The following NRXN1 variants were observed in gnomAD, a reference collection of about 807,000 sequenced individuals.
The protein encoded by NRXN1 is neurexin-1.
NRXN1 carries 39 observed loss-of-function variants against 150.9 expected under a neutral mutation model. The ratio of observed to expected loss-of-function variants is 0.26; its 90% CI spans 0.20 to 0.34. The LOEUF (loss-of-function observed/expected upper bound fraction) is 0.34. NRXN1 is among the 10% of genes least tolerant of loss of function. The pLI, the probability that NRXN1 is intolerant of heterozygous loss-of-function variation, is 1.00. For missense variants in NRXN1, 1,815 were observed against 1,949.9 expected (o/e 0.93, Z 1.30); for synonymous variants, 924 against 757.0 (o/e 1.22, Z -3.62).
At chr2:50,737,332 C>A (rs759613898) in intron 5 of NRXN1, among the ~76,000 whole-genome samples, 1 of 152,094 alleles carries the variant, frequency 6.6e-6, no homozygotes, top group Admixed American at 6.5e-5. Flanking sequence ...TAACATAATG[C>A]CCCAAGACCA....
intron 17 of NRXN1, among the ~76,000 whole-genome samples, chr2:50,457,101 C>T (rs1236048183): frequency 2.0e-5 from 3 of 152,166 alleles, no homozygotes; most frequent in African/African-American, 4.8e-5. Context: ...ACAGAAAATT[C>T]CCATCTCTCT....
chr2:50,276,545 C>T (rs945259464), intron 17 of NRXN1, among the ~76,000 whole-genome samples: 10 of 152,174 alleles, frequency 6.6e-5, no homozygotes, highest in African/African-American at 2.4e-4. Flanking sequence ...AATACTTACC[C>T]TTGGATCTCA....
At position 50,801,504 on chromosome 2, in the gene NRXN1, G is replaced by A. The variant is rs181538917; in HGVS notation, c.832+120365C>T. The stretch of plus-strand genomic sequence containing the variant: ...CTGTGGATATAATAAGGTCTAAATG[G>A]CAGGACTAAATGCGAGGACTAAAGC... On this transcript the variant is annotated intron_variant, in intron 5 of 22. Coordinates refer to ENST00000401669, the MANE Select transcript of NRXN1 (RefSeq NM_001330078.2). Among the ~76,000 whole-genome samples the A allele has an allele frequency of 8.0e-4, 122 of 152,144 alleles. 1 individual carries two copies. Among genetic ancestry groups the A allele is most frequent in the African/African-American group, 2.7e-3 (111 of 41,498 alleles).
At chr2:50,244,532 A>G (rs2066330401) in intron 17 of NRXN1, among the ~76,000 whole-genome samples, 1 of 151,850 alleles carries the variant, frequency 6.6e-6, no homozygotes, top group South Asian at 2.1e-4. Flanking sequence ...AAGCCTTCCT[A>G]TCTCTTGATT....
chr2:50,464,357 C>T (rs905516837), intron 17 of NRXN1: 1 of 151,808 alleles, frequency 6.6e-6, no homozygotes, highest in Non-Finnish European at 1.5e-5. Flanking sequence ...GGAAAGGAAA[C>T]CTAAAGACAG....
At position 50,703,885 on chromosome 2, in the gene NRXN1, C is replaced by T. The variant is rs554866131; in HGVS notation, c.833-80270G>A. Among the ~76,000 whole-genome samples the T allele has an allele frequency of 2.0e-5, 3 of 152,120 alleles. No homozygotes were observed. In the East Asian group the frequency reaches 5.8e-4, roughly 29 times the overall value. On this transcript the variant is annotated intron_variant, in intron 5 of 22. Coordinates refer to ENST00000401669, the MANE Select transcript of NRXN1 (RefSeq NM_001330078.2). The stretch of plus-strand genomic sequence containing the variant: ...ATAAGAAACTTGCCTAAAGTCATAT[C>T]GTTTCTACGTGGTAAAGGCAAGATT...
intron 5 of NRXN1, among the ~76,000 whole-genome samples, chr2:50,861,245 C>G (rs956028334): frequency 2.0e-5 from 3 of 152,056 alleles, no homozygotes; most frequent in Non-Finnish European, 4.4e-5. Context: ...GACAGAGTCT[C>G]TCTGTCTCTC....
intron 5 of NRXN1, among the ~76,000 whole-genome samples, chr2:50,828,355 T>C (rs1424937571): frequency 7.0e-6 from 1 of 143,230 alleles, no homozygotes. Context: ...ATGGGGCGGC[T>C]GGCCTGGCGG....
intron 2 of NRXN1, among the ~76,000 whole-genome samples, chr2:50,989,869 A>C (rs1234933696): frequency 6.6e-6 from 1 of 152,072 alleles, no homozygotes; most frequent in Non-Finnish European, 1.5e-5. Flanking sequence ...GTTAGACTTT[A>C]TCAGAACCTG....
chr2:50,854,113 A>G (rs756282470), intron 5 of NRXN1, among the ~76,000 whole-genome samples: 6 of 152,100 alleles, frequency 3.9e-5, no homozygotes, highest in Non-Finnish European at 7.4e-5. Flanking sequence ...GAAATTGTGT[A>G]AAATCAGCAT....
At chr2:49,992,772 A>G (rs1483439817) in intron 21 of NRXN1, among the ~76,000 whole-genome samples, 1 of 152,214 alleles carries the variant, frequency 6.6e-6, no homozygotes, top group Non-Finnish European at 1.5e-5. Flanking sequence ...CACCTGACCA[A>G]AAAGAGATAT....
intron 5 of NRXN1, among the ~76,000 whole-genome samples, chr2:50,860,129 A>G (rs964774349): frequency 6.6e-6 from 1 of 151,076 alleles, no homozygotes; most frequent in Admixed American, 6.6e-5. Context: ...GAATACAAGA[A>G]GATCATAACT....
At chr2:50,278,222 C>T (rs1211551964) in intron 17 of NRXN1, among the ~76,000 whole-genome samples, 1 of 69,196 alleles carries the variant, frequency 1.4e-5, no homozygotes, top group Non-Finnish European at 3.2e-5. Context: ...ACCACCACAC[C>T]TGGCTTTTAT....
At chr2:50,789,852 A>T (rs1382593723) in intron 5 of NRXN1, among the ~76,000 whole-genome samples, 3 of 152,314 alleles carry the variant, frequency 2.0e-5, no homozygotes, top group East Asian at 3.9e-4. Context: ...ATGAAGAAGG[A>T]TCATTTTTAA....
chr2:50,665,449 T>C (rs529305598), intron 5 of NRXN1, among the ~76,000 whole-genome samples: 1 of 151,938 alleles, frequency 6.6e-6, no homozygotes, highest in East Asian at 2.0e-4. Flanking sequence ...TTTCTGAAAT[T>C]CCCCTACTAG....
At chr2:50,766,161 T>A (rs1377417038) in intron 5 of NRXN1, among the ~76,000 whole-genome samples, 2 of 152,096 alleles carry the variant, frequency 1.3e-5, no homozygotes, top group South Asian at 4.1e-4. Context: ...CCAAGTAGCA[T>A]AGAAATCAGG....
chr2:50,750,603 A>AAC (rs1700493800), intron 5 of NRXN1, among the ~76,000 whole-genome samples: 1 of 152,004 alleles, frequency 6.6e-6, no homozygotes, highest in Admixed American at 6.6e-5. Flanking sequence ...ATAATAAAAA[A>AAC]AGAAAACCAA....
At chr2:50,808,936 A>G (rs1667859542) in intron 5 of NRXN1, among the ~76,000 whole-genome samples, 1 of 152,112 alleles carries the variant, frequency 6.6e-6, no homozygotes, top group Admixed American at 6.6e-5. Flanking sequence ...GACTCATAAA[A>G]TTTCCTTATG....
chr2:50,655,652 T>A (rs1341366696), intron 5 of NRXN1, among the ~76,000 whole-genome samples: 2 of 151,202 alleles, frequency 1.3e-5, no homozygotes. Context: ...TGTGTTGTTG[T>A]TTTTATTTTT....
Sources: gnomAD v4.1 joint callset for allele counts (sites outside exome capture counted in the v4.1 genomes callset) on GRCh38, gnomAD v4.1.1 for gene constraint, MANE v1.5 for transcripts, NCBI Gene and HGNC (gene_info 2026-07-23, HGNC 2026-07-21) for gene names.